The following GPHN variants were observed in gnomAD, a reference collection of about 807,000 sequenced individuals.
The protein encoded by GPHN is gephyrin.
GPHN carries 17 observed loss-of-function variants against 95.5 expected under a neutral mutation model. The observed-to-expected ratio is 0.18, with a 90% CI of 0.12 to 0.27. The LOEUF (loss-of-function observed/expected upper bound fraction) is 0.27. GPHN is among the 10% of genes least tolerant of loss of function. GPHN has a pLI of 1.00. For synonymous variants in GPHN, 320 were observed against 322.5 expected (o/e 0.99, Z 0.08); for missense variants, 660 against 978.1 (o/e 0.67, Z 4.34).
intron 1 of GPHN, among the ~76,000 whole-genome samples, chr14:66,511,749 C>T (rs947093971): frequency 9.2e-5 from 14 of 151,912 alleles, no homozygotes; most frequent in Admixed American, 9.2e-4. Context: ...AAATATTTAG[C>T]AGAAGCATTT....
At chr14:66,890,752 TCAA>T (rs1567065872) in intron 5 of GPHN, among the ~76,000 whole-genome samples, 1 of 151,840 alleles carries the variant, frequency 6.6e-6, no homozygotes. Context: ...CAAGGATGGT[TCAA>T]CATATGAAAA....
chr14:67,427,098 G>C, the GPHN span, among the ~76,000 whole-genome samples: 2 of 151,664 alleles, frequency 1.3e-5, no homozygotes, highest in Non-Finnish European at 2.9e-5. Context: ...ATTGGAGGTA[G>C]CCAGAGTGTA....
the GPHN span, chr14:67,359,539 T>C: frequency 1.2e-5 from 14 of 1,168,010 alleles, no homozygotes; most frequent in Non-Finnish European, 1.7e-5. Context: ...GAAAAGAACC[T>C]GGGAAAAGCT....
At chr14:67,315,637 C>T in the GPHN span, among the ~76,000 whole-genome samples, 35 of 152,284 alleles carry the variant, frequency 2.3e-4, no homozygotes, top group African/African-American at 7.5e-4. Flanking sequence ...ACTAAGAATA[C>T]AGTCTTGGCC....
intron 1 of GPHN, chr14:66,509,541 C>T (rs1284703145): frequency 6.6e-6 from 1 of 152,262 alleles, no homozygotes; most frequent in African/African-American, 2.4e-5. Flanking sequence ...GGCATGACTT[C>T]CAAGATGAAC....
At chr14:66,730,699 T>A in intron 2 of GPHN, among the ~76,000 whole-genome samples, 1 of 152,354 alleles carries the variant, frequency 6.6e-6, no homozygotes, top group Middle Eastern at 3.4e-3. Flanking sequence ...GATTCAGATA[T>A]ACAAATCATA....
chr14:67,087,056 A>AAAAT (rs2076933992), intron 11 of GPHN, among the ~76,000 whole-genome samples: 1 of 149,978 alleles, frequency 6.7e-6, no homozygotes, highest in Non-Finnish European at 1.5e-5. Flanking sequence ...AAAAAAAAAA[A>AAAAT]CTCTCTTCCT....
At chr14:67,357,520 T>C in the GPHN span, among the ~76,000 whole-genome samples, 1 of 152,252 alleles carries the variant, frequency 6.6e-6, no homozygotes. Context: ...TATCATTTTC[T>C]TACCTAAGCC....
chr14:66,692,898 A>G (rs781367812), intron 2 of GPHN, among the ~76,000 whole-genome samples: 5 of 152,130 alleles, frequency 3.3e-5, no homozygotes, highest in Non-Finnish European at 7.4e-5. Context: ...CATACTAGGT[A>G]GTAATTCTCT....
At chr14:67,429,268 T>A in the GPHN span, among the ~76,000 whole-genome samples, 1 of 150,124 alleles carries the variant, frequency 6.7e-6, no homozygotes, top group African/African-American at 2.5e-5. Context: ...TCTCACACTG[T>A]CGCCCAGGCT....
chr14:66,785,957 C>T (rs2059761318), intron 3 of GPHN, among the ~76,000 whole-genome samples: 1 of 151,952 alleles, frequency 6.6e-6, no homozygotes, highest in African/African-American at 2.4e-5. Context: ...GAGGAAAGTT[C>T]TCAAATCAGT....
intron 3 of GPHN, among the ~76,000 whole-genome samples, chr14:66,806,525 T>G (rs1011307694): frequency 1.3e-5 from 2 of 152,212 alleles, no homozygotes; most frequent in African/African-American, 4.8e-5. Flanking sequence ...TTTTACACTC[T>G]GCTTCCCTTA....
the GPHN span, among the ~76,000 whole-genome samples, chr14:67,425,069 TTTTG>T: frequency 1.3e-5 from 2 of 152,108 alleles, no homozygotes; most frequent in Non-Finnish European, 2.9e-5. Context: ...AATGAAAATT[TTTTG>T]TTTGTTTGCT....
At chr14:66,532,611 G>C (rs866694394) in intron 1 of GPHN, among the ~76,000 whole-genome samples, 1 of 152,172 alleles carries the variant, frequency 6.6e-6, no homozygotes, top group African/African-American at 2.4e-5. Flanking sequence ...TGTTTTGGTT[G>C]CAAGTGACAA....
the GPHN span, among the ~76,000 whole-genome samples, chr14:67,329,525 G>T: frequency 1.3e-5 from 2 of 152,194 alleles, no homozygotes; most frequent in African/African-American, 4.8e-5. Context: ...TTGAATAGGA[G>T]TGGTGAGAGA....
At chr14:67,387,577 A>G in the GPHN span, 1 of 1,054,486 alleles carries the variant, frequency 9.5e-7, no homozygotes, top group Middle Eastern at 2.1e-4. Flanking sequence ...TTTATTAAAT[A>G]AAAGGTTTAC....
At chr14:67,256,976 G>T in the GPHN span, among the ~76,000 whole-genome samples, 4 of 152,144 alleles carry the variant, frequency 2.6e-5, no homozygotes, top group Admixed American at 6.5e-5. Flanking sequence ...AGCCTCAGGA[G>T]GTCCTGACGA....
the GPHN span, among the ~76,000 whole-genome samples, chr14:67,531,617 A>G: frequency 1.3e-5 from 2 of 151,906 alleles, no homozygotes; most frequent in African/African-American, 4.8e-5. Context: ...ACAAAGTTAT[A>G]TTAAATGAGT....
chr14:67,446,729 G>A, the GPHN span, among the ~76,000 whole-genome samples: 2 of 152,180 alleles, frequency 1.3e-5, no homozygotes, highest in Non-Finnish European at 2.9e-5. Flanking sequence ...AAAATATGCC[G>A]CTGACTTGAA....
Sources: allele counts gnomAD v4.1 joint callset (sites outside exome capture counted in the v4.1 genomes callset), GRCh38; gene constraint gnomAD v4.1.1; transcripts MANE v1.5; gene names NCBI Gene and HGNC (gene_info 2026-07-23, HGNC 2026-07-21).